PDE3B: variants seen among roughly 807,000 people sequenced by gnomAD.
PDE3B encodes phosphodiesterase 3B, also known as cGMP-inhibited 3',5'-cyclic phosphodiesterase 3B.
Under a neutral mutation model 116.8 loss-of-function variants are expected in PDE3B, and 66 were observed. The observed-to-expected ratio is 0.56, with a 90% confidence interval of 0.46 to 0.69. The LOEUF (loss-of-function observed/expected upper bound fraction) is 0.69. Ranked by LOEUF, PDE3B falls within the 30% of genes least tolerant of loss-of-function variation. The pLI is 0.00. For synonymous variants in PDE3B, 595 were observed against 533.6 expected, an observed-to-expected ratio of 1.12 and a Z score of -1.59; for missense variants, 1,384 against 1,368.1, an observed-to-expected ratio of 1.01 and a Z score of -0.18.
At chr11:14,759,348 C>A (rs904374819) in intron 1 of PDE3B, among the ~76,000 whole-genome samples, 4 of 152,014 alleles carry the variant, frequency 2.6e-5, no homozygotes, top group African/African-American at 9.7e-5. Flanking sequence ...GGAATGGTAC[C>A]AGTTCCTCCT....
chr11:14,735,370 G>A (rs1453502837), intron 1 of PDE3B, among the ~76,000 whole-genome samples: 1 of 152,170 alleles, frequency 6.6e-6, no homozygotes, highest in African/African-American at 2.4e-5. Flanking sequence ...TCATACTGAG[G>A]TTGTGAAGCA....
chr11:14,869,435 G>T, intron 15 of PDE3B, 26 bp from the exon 16 acceptor site: 1 of 1,586,920 alleles, frequency 6.3e-7, no homozygotes, highest in Admixed American at 1.7e-5. Flanking sequence ...GCTATGATTA[G>T]AATATATTTA....
the PDE3B span, among the ~76,000 whole-genome samples, chr11:14,888,918 C>G: frequency 6.6e-6 from 1 of 152,156 alleles, no homozygotes; most frequent in Non-Finnish European, 1.5e-5. Flanking sequence ...CCAGGGAATG[C>G]CTCTTGAAAT....
At chr11:14,824,070 G>A (rs11605452) in intron 7 of PDE3B, among the ~76,000 whole-genome samples, 32,908 of 152,078 alleles carry the variant, frequency 0.22, 4,388 homozygotes, top group Non-Finnish European at 0.31. Context: ...AAAAGTGGTC[G>A]GACTGTTCTC....
downstream of PDE3B, among the ~76,000 whole-genome samples, chr11:14,873,304 A>G (rs1848162153): frequency 6.6e-6 from 1 of 152,214 alleles, no homozygotes; most frequent in East Asian, 1.9e-4. Context: ...TACCTGATAC[A>G]TGAATCTAGA....
At chr11:14,724,407 T>C (rs569983978) in intron 1 of PDE3B, among the ~76,000 whole-genome samples, 1 of 152,304 alleles carries the variant, frequency 6.6e-6, no homozygotes, top group East Asian at 1.9e-4. Context: ...TTGAGAAAGA[T>C]GTACAGGTTG....
the PDE3B span, among the ~76,000 whole-genome samples, chr11:14,879,968 T>C: frequency 6.6e-6 from 1 of 152,034 alleles, no homozygotes; most frequent in Admixed American, 6.6e-5. Context: ...TTACATGAAT[T>C]GAGATAATAG....
At chr11:14,731,333 A>G (rs559927690) in intron 1 of PDE3B, among the ~76,000 whole-genome samples, 1 of 142,488 alleles carries the variant, frequency 7.0e-6, no homozygotes, top group East Asian at 2.1e-4. Context: ...ATCTCGGCTC[A>G]CTGCAAGTTC....
intron 11 of PDE3B, among the ~76,000 whole-genome samples, chr11:14,836,935 T>C (rs1860074386): frequency 6.6e-6 from 1 of 152,194 alleles, no homozygotes; most frequent in Non-Finnish European, 1.5e-5. Context: ...TGCCTCAGTC[T>C]CCCAAGCAGC....
At chr11:14,709,869 G>A (rs991196351) in intron 1 of PDE3B, among the ~76,000 whole-genome samples, 15 of 151,902 alleles carry the variant, frequency 9.9e-5, no homozygotes, top group Non-Finnish European at 1.9e-4. Context: ...GCTTAACTTT[G>A]GTGTCCTTGC....
At chr11:14,737,756 A>G (rs1044098547) in intron 1 of PDE3B, among the ~76,000 whole-genome samples, 1 of 13,340 alleles carries the variant, frequency 7.5e-5, no homozygotes, top group East Asian at 2.2e-3. Flanking sequence ...TCCTAATGCT[A>G]TCCCTTCCCC....
At chr11:14,823,985 C>T (rs1454947173) in intron 7 of PDE3B, among the ~76,000 whole-genome samples, 2 of 152,284 alleles carry the variant, frequency 1.3e-5, no homozygotes, top group East Asian at 3.9e-4. Context: ...GCTTTGCTGT[C>T]TTCAGGCTTT....
At chr11:14,738,221 T>C (rs919916434) in intron 1 of PDE3B, among the ~76,000 whole-genome samples, 1 of 152,212 alleles carries the variant, frequency 6.6e-6, no homozygotes, top group African/African-American at 2.4e-5. Context: ...TTGAACTAAT[T>C]TATACTCCCA....
At chr11:14,713,189 A>G (rs1305756430) in intron 1 of PDE3B, among the ~76,000 whole-genome samples, 1 of 152,248 alleles carries the variant, frequency 6.6e-6, no homozygotes, top group African/African-American at 2.4e-5. Context: ...CATAGGTGTT[A>G]TATATATTAA....
At chr11:14,709,672 A>G (rs916477505) in intron 1 of PDE3B, among the ~76,000 whole-genome samples, 2 of 152,160 alleles carry the variant, frequency 1.3e-5, no homozygotes, top group Non-Finnish European at 2.9e-5. Flanking sequence ...CCCCCGCACC[A>G]CTAGTGCCAA....
intron 1 of PDE3B, among the ~76,000 whole-genome samples, chr11:14,739,712 C>G (rs1856708176): frequency 6.6e-6 from 1 of 152,126 alleles, no homozygotes; most frequent in African/African-American, 2.4e-5. Flanking sequence ...CAGTTTTTGC[C>G]CATTCAGTAT....
intron 1 of PDE3B, among the ~76,000 whole-genome samples, chr11:14,745,382 T>C (rs1049057079): frequency 2.0e-5 from 3 of 152,180 alleles, no homozygotes; most frequent in Admixed American, 2.0e-4. Flanking sequence ...GATCTAACTA[T>C]ATTGATTAAG....
At chr11:14,869,427 TATG>T (rs782408928) in intron 15 of PDE3B, 31 bp from the exon 16 acceptor site, 1 of 1,564,552 alleles carries the variant, frequency 6.4e-7, no homozygotes, top group Non-Finnish European at 8.7e-7. Flanking sequence ...ATCATATTGC[TATG>T]ATTAGAATAT....
chr11:14,693,900 T>G (rs1855124468), intron 1 of PDE3B, among the ~76,000 whole-genome samples: 1 of 152,152 alleles, frequency 6.6e-6, no homozygotes, highest in Admixed American at 6.6e-5. Context: ...TTGAAAAACC[T>G]GGAAAGGATT....
Sources: allele counts gnomAD v4.1 joint callset (sites outside exome capture counted in the v4.1 genomes callset), GRCh38; gene constraint gnomAD v4.1.1; transcripts MANE v1.5; gene names NCBI Gene and HGNC (gene_info 2026-07-23, HGNC 2026-07-21).